TPO: variants seen among roughly 807,000 people sequenced by gnomAD.
TPO encodes thyroid microsomal antigen.
A neutral mutation model predicts 96.9 loss-of-function variants in TPO; 78 were observed. The observed-to-expected ratio is 0.81, with a 90% CI of 0.67 to 0.97. The LOEUF is 0.97. Among genes scored for constraint, TPO ranks in the 50% least tolerant of loss-of-function variants. The probability of loss-of-function intolerance (pLI) is 0.00; values close to 1 mark genes in which losing one functional copy is unlikely to be tolerated. For missense variants in TPO, 1,252 were observed against 1,274.8 expected (o/e 0.98, Z 0.27); for synonymous variants, 547 against 538.0 (o/e 1.02, Z -0.23).
chr2:1,464,878 T>G (rs530401359), intron 7 of TPO, among the ~76,000 whole-genome samples: 64 of 152,364 alleles, frequency 4.2e-4, no homozygotes, highest in African/African-American at 1.5e-3. Context: ...CTGTTCCTTT[T>G]GCTGTGCAAA....
upstream of TPO, among the ~76,000 whole-genome samples, chr2:1,409,151 A>G (rs1290161268): frequency 6.6e-6 from 1 of 152,150 alleles, no homozygotes; most frequent in East Asian, 1.9e-4. Flanking sequence ...CCCAGAGTCC[A>G]TGAGAGGAGC....
intron 5 of TPO, among the ~76,000 whole-genome samples, chr2:1,446,996 G>A (rs2090153): frequency 0.061 from 9,271 of 152,142 alleles, 358 homozygotes; most frequent in Middle Eastern, 0.13. Flanking sequence ...GTGTGTGTGT[G>A]TGTATGTGTG....
intron 1 of TPO, among the ~76,000 whole-genome samples, chr2:1,406,278 G>A (rs1662249028): frequency 6.6e-6 from 1 of 152,220 alleles, no homozygotes; most frequent in Non-Finnish European, 1.5e-5. Context: ...AGATGCTAGG[G>A]CCTTTTATAG....
At chr2:1,521,252 G>A (rs1166487115) in intron 15 of TPO, among the ~76,000 whole-genome samples, 2 of 152,220 alleles carry the variant, frequency 1.3e-5, no homozygotes, top group South Asian at 2.1e-4. Flanking sequence ...CGTCCAGGAC[G>A]TCTAACCCTT....
intron 10 of TPO, among the ~76,000 whole-genome samples, chr2:1,488,418 T>C (rs967753072): frequency 2.0e-5 from 3 of 152,102 alleles, no homozygotes; most frequent in African/African-American, 7.2e-5. Context: ...GTTAACTAAC[T>C]GGTCCAAGCT....
intron 1 of TPO, among the ~76,000 whole-genome samples, chr2:1,389,203 C>T (rs1006559086): frequency 1.3e-5 from 2 of 152,040 alleles, no homozygotes; most frequent in African/African-American, 4.8e-5. Flanking sequence ...ACAGTGGTGC[C>T]ACAGGGAAGG....
chr2:1,525,783 C>A (rs1490472818), intron 15 of TPO, among the ~76,000 whole-genome samples: 1 of 147,250 alleles, frequency 6.8e-6, no homozygotes, highest in Non-Finnish European at 1.5e-5. Flanking sequence ...AATCCCGCCA[C>A]TGTGTGCAAC....
At chr2:1,514,382 G>A (rs1030118009) in intron 14 of TPO, among the ~76,000 whole-genome samples, 9 of 152,252 alleles carry the variant, frequency 5.9e-5, no homozygotes, top group Admixed American at 3.3e-4. Context: ...CCAGTCAAGC[G>A]GACACATAAA....
intron 15 of TPO, among the ~76,000 whole-genome samples, chr2:1,523,661 C>T (rs1354468890): frequency 7.9e-6 from 1 of 127,172 alleles, no homozygotes; most frequent in Non-Finnish European, 1.6e-5. Context: ...CTGTGTTCAA[C>T]CTCCTCGAAT....
chr2:1,483,604 C>T (rs978845321), intron 8 of TPO, among the ~76,000 whole-genome samples: 3 of 152,218 alleles, frequency 2.0e-5, no homozygotes, highest in Admixed American at 6.5e-5. Context: ...ACGATGAAGT[C>T]GTGCAACTGC....
chr2:1,396,385 G>A (rs1662080499), intron 1 of TPO, among the ~76,000 whole-genome samples: 1 of 152,254 alleles, frequency 6.6e-6, no homozygotes, highest in South Asian at 2.1e-4. Context: ...TCCCAGCTCT[G>A]AGATTGGCAG....
intron 15 of TPO, among the ~76,000 whole-genome samples, chr2:1,537,226 AATCCCCCAACT>A (rs1679945943): frequency 3.3e-5 from 2 of 60,528 alleles, no homozygotes; most frequent in East Asian, 6.1e-4. Context: ...CACCTCCCCA[AATCCCCCAACT>A]GTTTCGAACC....
At chr2:1,434,996 C>T (rs953282427) in intron 4 of TPO, among the ~76,000 whole-genome samples, 53 of 151,992 alleles carry the variant, frequency 3.5e-4, no homozygotes, top group Admixed American at 5.2e-4. Flanking sequence ...TGCAGTGGGG[C>T]GATCTCGGCT....
intron 7 of TPO, among the ~76,000 whole-genome samples, chr2:1,459,212 T>A (rs543867589): frequency 5.7e-4 from 86 of 151,374 alleles, no homozygotes; most frequent in Admixed American, 3.6e-3. Context: ...AGTGCAGTGG[T>A]GCAATCTCGG....
Position 1,489,980 on chromosome 2 carries a change from AGGG to A in TPO, c.1768+1992_1768+1994del, listed in dbSNP as rs1186984275. ...AAGAGCCGCCACGTGGGTCCCACAC[AGGG>A]GGAGTCACGACACAGCAGTGTAAGA... On this transcript the variant is annotated intron_variant, in intron 10 of 16. Coordinates refer to ENST00000329066, the MANE Select transcript of TPO (RefSeq NM_001206744.2). Among the ~76,000 whole-genome samples, 62 of 113,428 alleles carry A rather than the reference AGGG, an allele frequency of 5.5e-4. 1 individual carries two copies. Among genetic ancestry groups the A allele is most frequent in the Admixed American group, 1.1e-3 (12 of 10,842 alleles). 74.4% of individuals were successfully genotyped at this position (113,428 alleles called of 152,430 possible).
chr2:1,436,161 T>C (rs551013956), intron 4 of TPO, 91 bp from the exon 5 acceptor site: 2 of 1,602,190 alleles, frequency 1.2e-6, no homozygotes, highest in Non-Finnish European at 1.7e-6. Context: ...CAAATTCAGA[T>C]GCTGGAGTCA....
chr2:1,413,589 TTCA>T (rs1366274948), intron 1 of TPO, 44 bp downstream of exon 1: 1 of 842,866 alleles, frequency 1.2e-6, no homozygotes, highest in Non-Finnish European at 1.4e-6. Context: ...CTAAGAGAAA[TTCA>T]TCATTGGAAC....
rs104893669 is a variant in TPO, at chr2:1,484,596, A to T, written c.1339A>T (p.Ile447Phe). The change falls in exon 9 of 17, where the codon ATC (isoleucine) becomes TTC (phenylalanine). Residue 447 changes from isoleucine (I) to phenylalanine (F), a missense_variant and splice_region_variant. Physicochemically the swap from Ile to Phe is conservative, Grantham distance 21 (BLOSUM62 0). Coordinates refer to ENST00000329066, the MANE Select transcript of TPO (RefSeq NM_001206744.2). ...ARKVVGALHQ[I>F]ITLRDYIPRI... is the part of the protein sequence containing the mutation. ...TGAGATGCTTTTCCTATCTGCACAG[A>T]TCATCACCCTGAGGGATTACATCCC... 1 of 1,614,026 alleles carries T rather than the reference A, an allele frequency of 6.2e-7. No individual in the cohort carries two copies. Among genetic ancestry groups the T allele is most frequent in the South Asian group, 1.1e-5 (1 of 91,076 alleles).
At chr2:1,541,125 C>CCCTTACCTTGTATG (rs1680717428) in intron 16 of TPO, 1 of 1,188,454 alleles carries the variant, frequency 8.4e-7, no homozygotes. Flanking sequence ...ATGTTTTACC[C>CCCTTACCTTGTATG]CCTTACCTTG....
Sources: gnomAD v4.1 joint callset for allele counts (sites outside exome capture counted in the v4.1 genomes callset) on GRCh38, gnomAD v4.1.1 for gene constraint, MANE v1.5 for transcripts, NCBI Gene and HGNC (gene_info 2026-07-23, HGNC 2026-07-21) for gene names.